MCF2L2: variants seen among roughly 807,000 people sequenced by gnomAD.
The protein encoded by MCF2L2 is MCF.2 cell line derived transforming sequence-like 2.
MCF2L2 carries 102 observed loss-of-function variants against 150.2 expected under a neutral mutation model. The observed-to-expected ratio is 0.68, with a 90% CI of 0.58 to 0.80. The LOEUF is 0.80. Ranked by LOEUF, MCF2L2 falls within the 30% of genes least tolerant of loss-of-function variation. MCF2L2 has a pLI of 0.00. For synonymous variants in MCF2L2, 465 were observed against 491.3 expected (o/e 0.95, Z 0.71); for missense variants, 1,256 against 1,372.8 (o/e 0.91, Z 1.34).
At position 183,283,883 on chromosome 3, in the gene MCF2L2, T is replaced by C. The variant is rs377198807; in HGVS notation, c.1776+5237A>G. Among the ~76,000 whole-genome samples the C allele has an allele frequency of 2.0e-5, 3 of 152,208 alleles. No individual in the cohort carries two copies. In the East Asian group the frequency reaches 5.8e-4, roughly 29 times the overall value. Reference sequence around the variant, plus strand: ...CCTTTGAAAGCCATCCTTGATGTCCTTGTGAGGAATTACTTTCTCTACCAC... The same window carrying C: ...CCTTTGAAAGCCATCCTTGATGTCCCTGTGAGGAATTACTTTCTCTACCAC... On this transcript the variant is annotated intron_variant, in intron 14 of 29. Transcript: ENST00000328913. The surrounding 1 kb of genome is among the most constrained non-coding windows in gnomAD (Gnocchi z 4.2).
In MCF2L2 at chr3:183,224,160, G is replaced by C. The variant is rs1465508271; in HGVS notation, c.2146C>G (p.His716Asp). ...KEDLQIYFKY[H>D]KNLPRARAIW... ...GCCCTAGCTCGGGGCAGATTCTTAT[G>C]GTATTTAAAATATATCTGAAGATCT... The change falls in exon 19 of 30, where the codon CAT (histidine) becomes GAT (aspartate). Residue 716 changes from histidine to aspartate, a missense_variant. His to Asp is a moderately conservative substitution (Grantham distance 81). Coordinates refer to ENST00000328913, the MANE Select transcript of MCF2L2 (RefSeq NM_015078.4). The C allele has an allele frequency of 6.2e-7, 1 of 1,613,318 alleles. No individual in the cohort carries two copies. The highest frequency in any genetic ancestry group is 1.7e-5 in the Admixed American group (1 of 59,998).
intron 15 of MCF2L2, among the ~76,000 whole-genome samples, chr3:183,258,892 TG>T (rs1435938165): frequency 6.6e-6 from 1 of 152,172 alleles, no homozygotes; most frequent in Admixed American, 6.5e-5. Flanking sequence ...ACCTGGCCCA[TG>T]TACTTTAAAT....
At chr3:183,402,812 ATACT>A (rs1264580272) in intron 1 of MCF2L2, among the ~76,000 whole-genome samples, 1 of 152,014 alleles carries the variant, frequency 6.6e-6, no homozygotes, top group African/African-American at 2.4e-5. Context: ...CAATGAAAAA[ATACT>A]TAATAAATGC....
intron 22 of MCF2L2, among the ~76,000 whole-genome samples, chr3:183,211,495 C>T (rs980561095): frequency 2.0e-5 from 3 of 152,182 alleles, no homozygotes; most frequent in Non-Finnish European, 4.4e-5. Context: ...CGATCTCCAG[C>T]GGGTGAGCAC....
chr3:183,341,421 A>G (rs550588388), intron 4 of MCF2L2, 119 bp downstream of exon 4: 75 of 772,926 alleles, frequency 9.7e-5, no homozygotes, highest in Non-Finnish European at 1.6e-4. Flanking sequence ...CACCTGTTAC[A>G]AAGACCTTCC....
chr3:183,400,261 G>T, intron 1 of MCF2L2: 1 of 324,230 alleles, frequency 3.1e-6, no homozygotes, highest in Non-Finnish European at 6.1e-6. Flanking sequence ...TTTTTTTAAT[G>T]TAAAATTTCT....
At chr3:183,275,625 T>C (rs961095792) in intron 15 of MCF2L2, among the ~76,000 whole-genome samples, 7 of 152,220 alleles carry the variant, frequency 4.6e-5, no homozygotes, top group Admixed American at 1.3e-4. Flanking sequence ...TTCTTCCTCT[T>C]TGAGACAGGG....
chr3:183,213,525 A>G (rs564229745), intron 22 of MCF2L2, among the ~76,000 whole-genome samples: 2 of 152,244 alleles, frequency 1.3e-5, no homozygotes, highest in South Asian at 4.1e-4. Flanking sequence ...AAGCAGAGAA[A>G]CTAAGAGGTT....
At chr3:183,212,736 T>C (rs1033689124) in intron 22 of MCF2L2, among the ~76,000 whole-genome samples, 1 of 151,376 alleles carries the variant, frequency 6.6e-6, no homozygotes, top group African/African-American at 2.4e-5. Flanking sequence ...AGAGCCTGAG[T>C]CCAGAAATGA....
intron 7 of MCF2L2, among the ~76,000 whole-genome samples, chr3:183,315,200 A>G (rs1729555076): frequency 1.3e-5 from 2 of 151,642 alleles, no homozygotes; most frequent in African/African-American, 4.9e-5. Flanking sequence ...CGGCCTCCCA[A>G]AGTGCTGGGA....
chr3:183,287,369 C>T (rs529656189), intron 14 of MCF2L2: 1 of 152,236 alleles, frequency 6.6e-6, no homozygotes, highest in Non-Finnish European at 1.5e-5. Flanking sequence ...CGGCGTGAGT[C>T]AAGGCAGCAG....
chr3:183,257,543 A>G (rs1184442967), intron 15 of MCF2L2, among the ~76,000 whole-genome samples: 1 of 152,224 alleles, frequency 6.6e-6, no homozygotes, highest in Non-Finnish European at 1.5e-5. Flanking sequence ...CACTTAATAA[A>G]TGGTAGTTAA....
intron 21 of MCF2L2, among the ~76,000 whole-genome samples, chr3:183,217,647 A>G (rs1371029291): frequency 6.6e-6 from 1 of 152,204 alleles, no homozygotes; most frequent in Non-Finnish European, 1.5e-5. Context: ...GTGGAAATTT[A>G]CTAATGATTT....
chr3:183,364,938 CAT>C (rs1171965083), intron 3 of MCF2L2, among the ~76,000 whole-genome samples: 2 of 152,152 alleles, frequency 1.3e-5, no homozygotes, highest in African/African-American at 2.4e-5. Flanking sequence ...ACCACATACA[CAT>C]AGTCTCAATG....
Position 183,323,307 on chromosome 3 carries a change from G to A in MCF2L2, c.531C>T (p.Asp177=). The A allele has an allele frequency of 6.2e-7, 1 of 1,613,930 alleles. No individual in the cohort carries two copies. The highest frequency in any genetic ancestry group is 8.5e-7 in the Non-Finnish European group (1 of 1,179,856). ...CTAATTCCCGGGTCAGTTGGCTTTT[G>A]TCGATGTAGCCGTGAAGGTCAGAGA... The part of the protein sequence containing the change: ...NSVSDLHGYI[D]KSQLTRELGG... The change falls in exon 6 of 30, where the codon GAC becomes GAT. Residue 177 remains aspartate (D), a synonymous_variant. Transcript: ENST00000328913.
At chr3:183,294,783 C>T (rs1055449269) in intron 13 of MCF2L2, among the ~76,000 whole-genome samples, 41 of 151,638 alleles carry the variant, frequency 2.7e-4, no homozygotes, top group Admixed American at 1.9e-3. Flanking sequence ...TGCCCACCAC[C>T]ACGCCTGGCT....
At chr3:183,312,307 G>A (rs1729415680) in intron 7 of MCF2L2, among the ~76,000 whole-genome samples, 1 of 152,108 alleles carries the variant, frequency 6.6e-6, no homozygotes, top group Non-Finnish European at 1.5e-5. Context: ...ATTTTAACAT[G>A]GAAAGATTCA....
At chr3:183,304,483 T>C (rs1301366258) in intron 10 of MCF2L2, among the ~76,000 whole-genome samples, 3 of 125,136 alleles carry the variant, frequency 2.4e-5, no homozygotes, top group Non-Finnish European at 3.4e-5. Context: ...TTTTTTTTTT[T>C]TGAGATGGAA....
At chr3:183,287,138 C>T (rs895608972) in intron 14 of MCF2L2, among the ~76,000 whole-genome samples, 6 of 152,072 alleles carry the variant, frequency 3.9e-5, no homozygotes, top group Non-Finnish European at 8.8e-5. Context: ...CCCACCGCTG[C>T]TCCTACACTG....
Sources: gnomAD v4.1 joint callset for allele counts (sites outside exome capture counted in the v4.1 genomes callset) on GRCh38, gnomAD v4.1.1 for gene constraint, Gnocchi (gnomAD v3.1) non-coding constraint, MANE v1.5 for transcripts, NCBI Gene and HGNC (gene_info 2026-07-23, HGNC 2026-07-21) for gene names.